The following PTPRD variants were observed in gnomAD, a reference collection of about 807,000 sequenced individuals.
The protein encoded by PTPRD is receptor-type tyrosine-protein phosphatase delta.
PTPRD carries 34 observed loss-of-function variants against 214.5 expected under a neutral mutation model. The observed-to-expected ratio is 0.16, with a 90% CI of 0.12 to 0.21. PTPRD has a LOEUF of 0.21. Among genes scored for constraint, PTPRD ranks in the 10% least tolerant of loss-of-function variants. PTPRD has a pLI of 1.00. For missense variants in PTPRD, 2,545 were observed against 2,398.7 expected (o/e 1.06, Z -1.27); for synonymous variants, 1,128 against 845.7 (o/e 1.33, Z -5.79).
In PTPRD at chr9:9,894,046, T is replaced by G. The variant is rs1244796273; in HGVS notation, c.-368+44461A>C. 2.6e-5 allele frequency among the ~76,000 whole-genome samples: 4 copies of G among 152,074 alleles called. No homozygotes were observed. The East Asian group carries it at 5.8e-4, about 22-fold the overall frequency. ...TCAGGCTGATATCAAACTTCTGGGT[T>G]CAAATGTACTTCCTGCCTTTCCTTG... On this transcript the variant is annotated intron_variant, in intron 5 of 45. Transcript: ENST00000381196.
chr9:9,246,215 G>A (rs761421127), intron 9 of PTPRD, among the ~76,000 whole-genome samples: 1 of 151,904 alleles, frequency 6.6e-6, no homozygotes, highest in Non-Finnish European at 1.5e-5. Flanking sequence ...CTGAATTCTG[G>A]GCTGGATCCT....
chr9:9,293,713 G>C (rs1014604152), intron 9 of PTPRD, among the ~76,000 whole-genome samples: 1 of 151,528 alleles, frequency 6.6e-6, no homozygotes, highest in African/African-American at 2.4e-5. Flanking sequence ...GAACTCGACT[G>C]CTGGCAATCA....
intron 37 of PTPRD, among the ~76,000 whole-genome samples, chr9:8,383,591 G>A (rs1273508574): frequency 6.6e-6 from 1 of 152,106 alleles, no homozygotes; most frequent in Non-Finnish European, 1.5e-5. Context: ...AACAGAAAAT[G>A]GGACTTAAGA....
At chr9:9,217,075 G>A (rs1392531879) in intron 9 of PTPRD, among the ~76,000 whole-genome samples, 2 of 152,090 alleles carry the variant, frequency 1.3e-5, no homozygotes, top group African/African-American at 4.8e-5. Context: ...AGACTAGTCA[G>A]ACAACTTATA....
chr9:9,503,332 A>C (rs553652076), intron 8 of PTPRD, among the ~76,000 whole-genome samples: 1 of 151,344 alleles, frequency 6.6e-6, no homozygotes, highest in East Asian at 1.9e-4. Flanking sequence ...ATCACAGCAC[A>C]TCATTTAGAT....
chr9:9,902,034 C>T (rs1197169285), intron 5 of PTPRD, among the ~76,000 whole-genome samples: 1 of 152,106 alleles, frequency 6.6e-6, no homozygotes, highest in Non-Finnish European at 1.5e-5. Flanking sequence ...ATCAGACTTC[C>T]TAAAATTTAG....
At chr9:10,479,528 G>A (rs982220911) in intron 2 of PTPRD, among the ~76,000 whole-genome samples, 2 of 151,722 alleles carry the variant, frequency 1.3e-5, no homozygotes, top group African/African-American at 4.8e-5. Flanking sequence ...AATATACTTT[G>A]AAAATGTTGA....
At chr9:9,645,209 C>G (rs74520003) in intron 7 of PTPRD, among the ~76,000 whole-genome samples, 3,968 of 152,236 alleles carry the variant, frequency 0.026, 176 homozygotes, top group African/African-American at 0.091. Flanking sequence ...GTTCCCAGAG[C>G]GGGTCAAGGG....
intron 11 of PTPRD, among the ~76,000 whole-genome samples, chr9:8,751,548 A>T (rs906790923): frequency 1.3e-5 from 2 of 152,218 alleles, no homozygotes; most frequent in Non-Finnish European, 2.9e-5. Flanking sequence ...GGCTATTAGA[A>T]AACAGGGCCC....
At chr9:10,583,803 T>C (rs2132527596) in intron 2 of PTPRD, among the ~76,000 whole-genome samples, 1 of 152,252 alleles carries the variant, frequency 6.6e-6, no homozygotes, top group South Asian at 2.1e-4. Flanking sequence ...AGTTCAGTGG[T>C]ATTGATAGCT....
At chr9:8,914,018 G>A (rs963109712) in intron 11 of PTPRD, among the ~76,000 whole-genome samples, 8 of 152,128 alleles carry the variant, frequency 5.3e-5, no homozygotes, top group African/African-American at 4.8e-5. Flanking sequence ...GGTCAGTTTG[G>A]TCATGGATTC....
At chr9:8,636,916 C>A (rs1439158812) in intron 12 of PTPRD, 72 bp from the exon 13 acceptor site, 1 of 1,484,062 alleles carries the variant, frequency 6.7e-7, no homozygotes, top group South Asian at 1.2e-5. Context: ...TACCGCTGCT[C>A]TCCCCACCAT....
chr9:9,160,214 T>G (rs931800683), intron 10 of PTPRD, among the ~76,000 whole-genome samples: 3 of 152,174 alleles, frequency 2.0e-5, no homozygotes, highest in African/African-American at 7.2e-5. Flanking sequence ...ACTAAAATGC[T>G]TCTGCATAGC....
intron 45 of PTPRD, 59 bp downstream of exon 45, chr9:8,319,772 G>C (rs1825517173): frequency 6.3e-7 from 1 of 1,599,660 alleles, no homozygotes; most frequent in African/African-American, 1.4e-5. Flanking sequence ...GAGTCCGGGA[G>C]GTCCAGGCTA....
At chr9:8,420,640 A>C (rs2094289897) in intron 35 of PTPRD, among the ~76,000 whole-genome samples, 1 of 152,128 alleles carries the variant, frequency 6.6e-6, no homozygotes, top group Non-Finnish European at 1.5e-5. Context: ...GGAAACAAAG[A>C]TGTTCTTTTC....
chr9:10,216,556 A>C (rs976858038), intron 3 of PTPRD, among the ~76,000 whole-genome samples: 1 of 151,986 alleles, frequency 6.6e-6, no homozygotes, highest in Admixed American at 6.6e-5. Flanking sequence ...TACACATATC[A>C]CCTATGATTT....
intron 3 of PTPRD, among the ~76,000 whole-genome samples, chr9:10,267,140 G>A (rs1161183928): frequency 2.1e-5 from 3 of 142,540 alleles, no homozygotes; most frequent in Non-Finnish European, 4.5e-5. Flanking sequence ...GCAGTGAGCC[G>A]ACATCACACT....
intron 5 of PTPRD, among the ~76,000 whole-genome samples, chr9:9,799,811 A>G (rs10816184): frequency 0.16 from 24,633 of 152,200 alleles, 2,142 homozygotes; most frequent in Non-Finnish European, 0.19. Flanking sequence ...CAAGGAAGAT[A>G]AAATAGTCAT....
chr9:10,217,260 TA>T (rs2154346221), intron 3 of PTPRD, among the ~76,000 whole-genome samples: 2 of 151,866 alleles, frequency 1.3e-5, no homozygotes, highest in Admixed American at 1.3e-4. Context: ...CATTACATTT[TA>T]TTGGCCTCTT....
Sources: gnomAD v4.1 joint callset for allele counts (sites outside exome capture counted in the v4.1 genomes callset) on GRCh38, gnomAD v4.1.1 for gene constraint, MANE v1.5 for transcripts, NCBI Gene and HGNC (gene_info 2026-07-23, HGNC 2026-07-21) for gene names.